PTPRD: variants seen among roughly 807,000 people sequenced by gnomAD.
PTPRD encodes receptor-type tyrosine-protein phosphatase delta.
PTPRD carries 34 observed loss-of-function variants against 214.5 expected under a neutral mutation model. The observed-to-expected ratio is 0.16, with a 90% CI of 0.12 to 0.21. PTPRD has a LOEUF of 0.21. PTPRD is among the 10% of genes least tolerant of loss of function. The pLI, the probability that PTPRD is intolerant of heterozygous loss-of-function variation, is 1.00. For synonymous variants in PTPRD, 1,128 were observed against 845.7 expected, an observed-to-expected ratio of 1.33 and a Z score of -5.79; for missense variants, 2,545 against 2,398.7, an observed-to-expected ratio of 1.06 and a Z score of -1.27.
intron 39 of PTPRD, among the ~76,000 whole-genome samples, chr9:8,374,087 ATT>A (rs1274244440): frequency 1.3e-5 from 2 of 148,716 alleles, no homozygotes; most frequent in Non-Finnish European, 3.0e-5. Flanking sequence ...TGTTCCCATT[ATT>A]TTAAACATAT....
intron 7 of PTPRD, among the ~76,000 whole-genome samples, chr9:9,593,142 G>GAAAGAAAAGA (rs56345527): frequency 0.011 from 1,588 of 145,988 alleles, 16 homozygotes; most frequent in Non-Finnish European, 0.016. Flanking sequence ...AAAGGAAAGG[G>GAAAGAAAAGA]AAAGAAAAGA....
intron 8 of PTPRD, among the ~76,000 whole-genome samples, chr9:9,502,212 C>G (rs976247132): frequency 3.3e-5 from 5 of 151,824 alleles, no homozygotes; most frequent in African/African-American, 1.2e-4. Flanking sequence ...CGTTAGATCT[C>G]TAGGACTTAT....
Position 8,451,827 on chromosome 9 carries a change from C to G in PTPRD, c.3876-1990G>C. The G allele has an allele frequency of 1.1e-5, 5 of 467,730 alleles. 1 individual carries two copies. Among genetic ancestry groups the G allele is most frequent in the South Asian group, 7.9e-5 (5 of 63,144 alleles). 29.0% of individuals were successfully genotyped at this position (467,730 alleles called of 1,614,324 possible). A position where few individuals can be genotyped will look rare whatever the true frequency, so the allele number is the denominator to read the frequency against. On this transcript the variant is annotated intron_variant, in intron 33 of 45. Coordinates refer to ENST00000381196, the MANE Select transcript of PTPRD (RefSeq NM_002839.4). ...TTTCTCCCTTCCCATTGTGGCTCTGCCATTCTTGCAAGATTATGGAAACCA... is the reference window on the plus strand; with the variant it reads ...TTTCTCCCTTCCCATTGTGGCTCTGGCATTCTTGCAAGATTATGGAAACCA...
At chr9:9,796,395 T>C (rs777929378) in intron 5 of PTPRD, among the ~76,000 whole-genome samples, 1 of 152,100 alleles carries the variant, frequency 6.6e-6, no homozygotes, top group Non-Finnish European at 1.5e-5. Flanking sequence ...GAGGAATCAA[T>C]GAAATTACGG....
intron 2 of PTPRD, among the ~76,000 whole-genome samples, chr9:10,420,170 G>A (rs185394373): frequency 5.6e-4 from 85 of 151,834 alleles, no homozygotes; most frequent in African/African-American, 2.0e-3. Flanking sequence ...TTTTTTGGAT[G>A]ACTTTGCTAT....
intron 39 of PTPRD, among the ~76,000 whole-genome samples, chr9:8,357,925 A>G (rs2133701950): frequency 6.6e-6 from 1 of 152,324 alleles, no homozygotes; most frequent in Admixed American, 6.5e-5. Context: ...GCCTACTCCC[A>G]GTCCCTCCCT....
chr9:10,463,997 C>T (rs569791799), intron 2 of PTPRD, among the ~76,000 whole-genome samples: 6 of 152,150 alleles, frequency 3.9e-5, no homozygotes, highest in Non-Finnish European at 7.4e-5. Flanking sequence ...AGGAGAATAA[C>T]TCTTTATTTT....
chr9:9,998,690 C>T (rs190146277), intron 4 of PTPRD, among the ~76,000 whole-genome samples: 4 of 152,196 alleles, frequency 2.6e-5, no homozygotes, highest in Admixed American at 2.0e-4. Flanking sequence ...AAGAAGTACA[C>T]AAGGCAAGAT....
chr9:9,395,536 G>A (rs1166900056), intron 9 of PTPRD, among the ~76,000 whole-genome samples: 4 of 151,984 alleles, frequency 2.6e-5, no homozygotes, highest in African/African-American at 7.2e-5. Context: ...TACTTCCATG[G>A]CCTTCTTCAA....
chr9:10,607,587 GTGATTTAAAA>G (rs1457051582), intron 2 of PTPRD, among the ~76,000 whole-genome samples: 1 of 151,770 alleles, frequency 6.6e-6, no homozygotes, highest in Non-Finnish European at 1.5e-5. Context: ...CCAGACTTCA[GTGATTTAAAA>G]TGTACATTTC....
rs116830655 is a variant in PTPRD at position 8,385,573 on chromosome 9, A to T, written c.4386+3659T>A. ...GGCAAAACAGAACGCTTGAAAAGAG[A>T]GATGGGCTCTAAGGCAGGACAATTT... On this transcript the variant is annotated intron_variant, in intron 37 of 45. Coordinates refer to ENST00000381196, the MANE Select transcript of PTPRD (RefSeq NM_002839.4). 4.6e-3 allele frequency among the ~76,000 whole-genome samples: 696 copies of T among 152,252 alleles called. 5 individuals carry two copies. The highest frequency in any genetic ancestry group is 0.016 in the African/African-American group (668 of 41,570).
chr9:10,579,636 A>G (rs904120640), intron 2 of PTPRD, among the ~76,000 whole-genome samples: 1 of 152,162 alleles, frequency 6.6e-6, no homozygotes. Flanking sequence ...ATACCCAGTA[A>G]TGGGATTGCT....
intron 11 of PTPRD, among the ~76,000 whole-genome samples, chr9:8,944,365 T>C (rs899271943): frequency 6.6e-5 from 10 of 151,988 alleles, no homozygotes; most frequent in African/African-American, 2.2e-4. Context: ...AAATTAAACA[T>C]AGAACTATCA....
At chr9:9,963,899 T>C (rs981105540) in intron 4 of PTPRD, among the ~76,000 whole-genome samples, 1 of 152,222 alleles carries the variant, frequency 6.6e-6, no homozygotes, top group Non-Finnish European at 1.5e-5. Flanking sequence ...AGTGAAGTTC[T>C]TATTTACAAA....
intron 2 of PTPRD, among the ~76,000 whole-genome samples, chr9:10,495,494 T>A (rs914589962): frequency 1.3e-5 from 2 of 151,888 alleles, no homozygotes; most frequent in Non-Finnish European, 2.9e-5. Context: ...GAATTTGTTC[T>A]GCCTAGAATT....
chr9:8,941,271 A>C (rs948135702), intron 11 of PTPRD, among the ~76,000 whole-genome samples: 1 of 152,196 alleles, frequency 6.6e-6, no homozygotes, highest in Middle Eastern at 3.2e-3. Flanking sequence ...TAAAACACTA[A>C]AGTAAAAGCT....
intron 5 of PTPRD, among the ~76,000 whole-genome samples, chr9:9,785,539 C>T (rs1211793981): frequency 2.6e-5 from 4 of 151,844 alleles, no homozygotes; most frequent in African/African-American, 4.8e-5. Flanking sequence ...AGAGGCATTC[C>T]GCAAAACAAC....
chr9:9,973,545 G>T (rs538484425), intron 4 of PTPRD, among the ~76,000 whole-genome samples: 36 of 151,978 alleles, frequency 2.4e-4, no homozygotes, highest in African/African-American at 7.7e-4. Context: ...TCAGAAAATT[G>T]CCTTAATTCC....
At chr9:10,055,121 T>C (rs1223789856) in intron 3 of PTPRD, among the ~76,000 whole-genome samples, 1 of 152,148 alleles carries the variant, frequency 6.6e-6, no homozygotes, top group Non-Finnish European at 1.5e-5. Flanking sequence ...TGAATCTTCC[T>C]AATCTTTGAT....
Sources: gnomAD v4.1 joint callset for allele counts (sites outside exome capture counted in the v4.1 genomes callset) on GRCh38, gnomAD v4.1.1 for gene constraint, MANE v1.5 for transcripts, NCBI Gene and HGNC (gene_info 2026-07-23, HGNC 2026-07-21) for gene names.